SCARB1: variants seen among roughly 807,000 people sequenced by gnomAD.
The protein encoded by SCARB1 is scavenger receptor class B member 1, also known as CD36 and LIMPII analogous 1.
A neutral mutation model predicts 57.2 loss-of-function variants in SCARB1; 30 were observed. The observed-to-expected ratio is 0.52, with a 90% CI of 0.39 to 0.71. The LOEUF (loss-of-function observed/expected upper bound fraction) is 0.71, where lower values mean the gene tolerates loss of function less well. Ranked by LOEUF, SCARB1 falls within the 30% of genes least tolerant of loss-of-function variation. The pLI, the probability that SCARB1 is intolerant of heterozygous loss-of-function variation, is 0.00. For synonymous variants in SCARB1, 249 were observed against 268.3 expected, an observed-to-expected ratio of 0.93 and a Z score of 0.70; for missense variants, 543 against 671.2, an observed-to-expected ratio of 0.81 and a Z score of 2.11.
At chr12:124,785,745 A>G in intron 11 of SCARB1, 1 of 329,604 alleles carries the variant, frequency 3.0e-6, no homozygotes, top group Non-Finnish European at 5.6e-6. Context: ...TGAAGTGATA[A>G]TACTTTGCAT....
Position 124,810,818 on chromosome 12 carries a change from C to T in SCARB1, c.727-529G>A, listed in dbSNP as rs770374678. 9.2e-5 allele frequency among the ~76,000 whole-genome samples: 14 copies of T among 152,194 alleles called. No homozygotes were observed. The highest frequency in any genetic ancestry group is 2.1e-4 in the South Asian group (1 of 4,826). On this transcript the variant is annotated intron_variant, in intron 5 of 12. Coordinates refer to ENST00000261693, the MANE Select transcript of SCARB1 (RefSeq NM_005505.5). This position sits in a 1 kb window ranked among gnomAD's most constrained non-coding sequence, Gnocchi z 4.0. ...TGTATGATGAGGATGTTTAAAATCACGTGCACATGTACAGTATATTGGAAT... is the reference window on the plus strand; with the variant it reads ...TGTATGATGAGGATGTTTAAAATCATGTGCACATGTACAGTATATTGGAAT...
At chr12:124,846,954 G>C (rs572419257) in intron 1 of SCARB1, among the ~76,000 whole-genome samples, 68 of 152,152 alleles carry the variant, frequency 4.5e-4, no homozygotes, top group African/African-American at 1.6e-3. Flanking sequence ...TCCAAAACCG[G>C]ACCAAACTAA....
At chr12:124,854,449 G>A (rs1952550783) in intron 1 of SCARB1, among the ~76,000 whole-genome samples, 2 of 152,180 alleles carry the variant, frequency 1.3e-5, no homozygotes, top group African/African-American at 4.8e-5. Context: ...GGCTTTGAGG[G>A]GAGGAGGTGC....
intron 1 of SCARB1, among the ~76,000 whole-genome samples, chr12:124,863,270 C>T (rs547617832): frequency 1.4e-3 from 216 of 152,392 alleles, no homozygotes; most frequent in African/African-American, 5.0e-3. Flanking sequence ...CCTGTCCACA[C>T]TCCTGATCCG....
intron 7 of SCARB1, among the ~76,000 whole-genome samples, chr12:124,805,733 T>TG (rs1950299676): frequency 1.6e-5 from 2 of 127,180 alleles, no homozygotes; most frequent in Non-Finnish European, 3.1e-5. Context: ...TAATTTTTTT[T>TG]TTTTTTTTTT....
intron 1 of SCARB1, among the ~76,000 whole-genome samples, chr12:124,844,353 C>G (rs955137490): frequency 1.3e-5 from 2 of 152,158 alleles, no homozygotes; most frequent in African/African-American, 2.4e-5. Context: ...CTGTGCCACC[C>G]CCAGCTCAAA....
At chr12:124,786,107 C>T in intron 11 of SCARB1, 1 of 1,536,018 alleles carries the variant, frequency 6.5e-7, no homozygotes, top group Non-Finnish European at 8.7e-7. Context: ...CAAAGCCCAC[C>T]TGTGCCCCCT....
intron 1 of SCARB1, among the ~76,000 whole-genome samples, chr12:124,825,894 C>T (rs1243937949): frequency 6.6e-6 from 1 of 151,894 alleles, no homozygotes; most frequent in Non-Finnish European, 1.5e-5. Flanking sequence ...GCTTACGGGG[C>T]GGAGGCTGGG....
At chr12:124,823,657 T>A (rs1464380485) in intron 1 of SCARB1, among the ~76,000 whole-genome samples, 1 of 151,892 alleles carries the variant, frequency 6.6e-6, no homozygotes, top group Non-Finnish European at 1.5e-5. Context: ...TGAAAATGGG[T>A]GTAAAAAACA....
chr12:124,794,253 C>G (rs1949845612), intron 9 of SCARB1, among the ~76,000 whole-genome samples: 1 of 151,944 alleles, frequency 6.6e-6, no homozygotes, highest in Non-Finnish European at 1.5e-5. Flanking sequence ...CTGCAAATCA[C>G]TGAATTGTGC....
chr12:124,860,264 A>G (rs903803027), intron 1 of SCARB1, among the ~76,000 whole-genome samples: 1 of 152,268 alleles, frequency 6.6e-6, no homozygotes, highest in Non-Finnish European at 1.5e-5. Context: ...GGACATAGAC[A>G]TGAAATGTGG....
chr12:124,848,004 A>C (rs1018678899), intron 1 of SCARB1, among the ~76,000 whole-genome samples: 2 of 152,208 alleles, frequency 1.3e-5, no homozygotes, highest in African/African-American at 4.8e-5. Context: ...AGCAAAGAGA[A>C]AAGGGCTGGA....
intron 1 of SCARB1, among the ~76,000 whole-genome samples, chr12:124,824,605 G>C (rs944888286): frequency 6.6e-6 from 1 of 152,244 alleles, no homozygotes; most frequent in African/African-American, 2.4e-5. Flanking sequence ...CAGTAGATGA[G>C]CAAAAATTAG....
chr12:124,848,717 A>C (rs1304937016), intron 1 of SCARB1, among the ~76,000 whole-genome samples: 1 of 152,256 alleles, frequency 6.6e-6, no homozygotes, highest in Admixed American at 6.5e-5. Flanking sequence ...TGAGAACGGC[A>C]GAACGAGCCG....
At chr12:124,787,560 CA>C in intron 9 of SCARB1, 103 bp from the exon 10 acceptor site, 2 of 1,021,746 alleles carry the variant, frequency 2.0e-6, no homozygotes, top group South Asian at 1.4e-5. Context: ...TATAATTTTG[CA>C]CACACTAAAC....
intron 1 of SCARB1, among the ~76,000 whole-genome samples, chr12:124,855,348 T>C (rs1424804156): frequency 6.6e-6 from 1 of 152,158 alleles, no homozygotes; most frequent in Non-Finnish European, 1.5e-5. Flanking sequence ...CTGGGGAGCT[T>C]CTGAGCAGGC....
intron 1 of SCARB1, among the ~76,000 whole-genome samples, chr12:124,852,125 A>G (rs1426534839): frequency 6.6e-6 from 1 of 152,064 alleles, no homozygotes; most frequent in African/African-American, 2.4e-5. Context: ...CCCTTCCACC[A>G]TGACAGGTGC....
At chr12:124,792,978 C>T (rs545468405) in intron 9 of SCARB1, among the ~76,000 whole-genome samples, 1 of 152,110 alleles carries the variant, frequency 6.6e-6, no homozygotes, top group South Asian at 2.1e-4. Flanking sequence ...AGGTGCCACG[C>T]GGTGGAACCA....
At chr12:124,821,498 T>C (rs1022702634) in intron 1 of SCARB1, 33 of 984,572 alleles carry the variant, frequency 3.4e-5, no homozygotes, top group African/African-American at 1.8e-4. Context: ...TCTCTCTCTC[T>C]CCCCAAAGAA....
Sources: gnomAD v4.1 joint callset for allele counts (sites outside exome capture counted in the v4.1 genomes callset) on GRCh38, gnomAD v4.1.1 for gene constraint, Gnocchi (gnomAD v3.1) non-coding constraint, MANE v1.5 for transcripts, NCBI Gene and HGNC (gene_info 2026-07-23, HGNC 2026-07-21) for gene names.